The following SAMTOR variants were observed in gnomAD, a reference collection of about 807,000 sequenced individuals.
SAMTOR encodes the protein S-adenosylmethionine sensor upstream of mTORC1.
the SAMTOR span, among the ~76,000 whole-genome samples, chr7:112,907,842 C>CCTATTTATTTAT: frequency 2.0e-5 from 3 of 146,346 alleles, no homozygotes; most frequent in African/African-American, 5.0e-5. Context: ...TTCTTACTTA[C>CCTATTTATTTAT]TTATTTATTT....
the SAMTOR span, among the ~76,000 whole-genome samples, chr7:112,883,223 T>A: frequency 6.6e-6 from 1 of 152,200 alleles, no homozygotes; most frequent in Non-Finnish European, 1.5e-5. Context: ...TCTTCCTTTT[T>A]TCCAGTTAAC....
chr7:112,910,633 C>G, the SAMTOR span, among the ~76,000 whole-genome samples: 1 of 152,206 alleles, frequency 6.6e-6, no homozygotes, highest in East Asian at 1.9e-4. Context: ...TTTAGTATCT[C>G]TAATGGCGGT....
At chr7:112,906,770 C>G in the SAMTOR span, among the ~76,000 whole-genome samples, 4 of 151,966 alleles carry the variant, frequency 2.6e-5, no homozygotes, top group Non-Finnish European at 4.4e-5. Context: ...CAGGGATTCA[C>G]CATGTTGGCC....
chr7:112,858,922 C>T, the SAMTOR span, among the ~76,000 whole-genome samples: 1 of 152,172 alleles, frequency 6.6e-6, no homozygotes, highest in Non-Finnish European at 1.5e-5. Flanking sequence ...GGCCATAGTA[C>T]CTAGATATTT....
At chr7:112,891,699 T>C in the SAMTOR span, among the ~76,000 whole-genome samples, 2 of 152,218 alleles carry the variant, frequency 1.3e-5, no homozygotes, top group East Asian at 1.9e-4. Flanking sequence ...CACTACACCA[T>C]AGTCTATGAA....
the SAMTOR span, among the ~76,000 whole-genome samples, chr7:112,868,690 G>A: frequency 1.3e-5 from 2 of 152,242 alleles, no homozygotes; most frequent in African/African-American, 4.8e-5. Context: ...AGCCACTGCA[G>A]ACATTTTAGT....
the SAMTOR span, among the ~76,000 whole-genome samples, chr7:112,877,072 G>A: frequency 6.6e-6 from 1 of 152,178 alleles, no homozygotes; most frequent in Non-Finnish European, 1.5e-5. Flanking sequence ...CACTGTAAAT[G>A]TAAGAGGGTG....
At chr7:112,922,899 C>CCG in the SAMTOR span, among the ~76,000 whole-genome samples, 1 of 143,384 alleles carries the variant, frequency 7.0e-6, no homozygotes, top group African/African-American at 2.6e-5. Flanking sequence ...GCCCCCCCCC[C>CCG]CCGGGCCAGC....
the SAMTOR span, chr7:112,820,263 A>G: frequency 2.0e-5 from 3 of 152,494 alleles, no homozygotes; most frequent in Non-Finnish European, 4.4e-5. Context: ...TGACATTCAA[A>G]GGTACTACGG....
the SAMTOR span, among the ~76,000 whole-genome samples, chr7:112,835,859 CCAT>C: frequency 1.3e-5 from 2 of 151,820 alleles, no homozygotes; most frequent in African/African-American, 4.8e-5. Context: ...TGTATATGTA[CCAT>C]GTTTTCTTTA....
At chr7:112,872,935 G>A in the SAMTOR span, among the ~76,000 whole-genome samples, 8 of 151,492 alleles carry the variant, frequency 5.3e-5, no homozygotes, top group Admixed American at 3.3e-4. Flanking sequence ...AGCTGTGTGC[G>A]TGTGTGCACG....
chr7:112,909,297 G>A, the SAMTOR span, among the ~76,000 whole-genome samples: 2 of 152,228 alleles, frequency 1.3e-5, no homozygotes, highest in African/African-American at 4.8e-5. Flanking sequence ...ACAATGAACA[G>A]GGAAAGACCC....
chr7:112,911,562 A>G, the SAMTOR span, among the ~76,000 whole-genome samples: 7 of 152,150 alleles, frequency 4.6e-5, no homozygotes, highest in African/African-American at 7.2e-5. Flanking sequence ...AATGACCCAT[A>G]ACCAAAAGAA....
chr7:112,903,142 C>T, the SAMTOR span, among the ~76,000 whole-genome samples: 157 of 152,048 alleles, frequency 1.0e-3, no homozygotes, highest in African/African-American at 3.6e-3. Context: ...AGTAAAACCC[C>T]GCCTCTTCTA....
At chr7:112,907,655 A>C in the SAMTOR span, among the ~76,000 whole-genome samples, 2 of 151,940 alleles carry the variant, frequency 1.3e-5, no homozygotes, top group Non-Finnish European at 2.9e-5. Context: ...AAACATGATC[A>C]CATAATTCAC....
chr7:112,918,258 A>G, the SAMTOR span, among the ~76,000 whole-genome samples: 1 of 152,194 alleles, frequency 6.6e-6, no homozygotes, highest in African/African-American at 2.4e-5. Context: ...CTCGGCAGAA[A>G]CTCTACAAGC....
chr7:112,898,682 G>A, the SAMTOR span, among the ~76,000 whole-genome samples: 2 of 152,228 alleles, frequency 1.3e-5, no homozygotes, highest in African/African-American at 2.4e-5. Flanking sequence ...CATGAGGCCA[G>A]CTGTGGTGGC....
At chr7:112,837,782 G>C in the SAMTOR span, among the ~76,000 whole-genome samples, 10 of 151,824 alleles carry the variant, frequency 6.6e-5, no homozygotes, top group African/African-American at 2.4e-4. Flanking sequence ...TGGCTCTTAT[G>C]GAAACTACAG....
At chr7:112,842,698 T>C in the SAMTOR span, among the ~76,000 whole-genome samples, 2,684 of 152,088 alleles carry the variant, frequency 0.018, 28 homozygotes, top group South Asian at 0.024. Context: ...TGTATGTAAA[T>C]AAACAGTAGT....
Sources: gnomAD v4.1 joint callset for allele counts (sites outside exome capture counted in the v4.1 genomes callset) on GRCh38, gnomAD v4.1.1 for gene constraint, MANE v1.5 for transcripts, NCBI Gene and HGNC (gene_info 2026-07-23, HGNC 2026-07-21) for gene names.